KLF12: variants seen among roughly 807,000 people sequenced by gnomAD.
KLF12 encodes KLF transcription factor 12.
In KLF12, 9 loss-of-function variants were observed where a neutral mutation model predicts 37.8. The ratio of observed to expected loss-of-function variants is 0.24; its 90% confidence interval spans 0.14 to 0.42. KLF12 has a LOEUF of 0.42. Ranked by LOEUF, KLF12 falls within the 10% of genes least tolerant of loss-of-function variation. The pLI, the probability that KLF12 is intolerant of heterozygous loss-of-function variation, is 1.00. For missense variants in KLF12, 411 were observed against 516.0 expected, an observed-to-expected ratio of 0.80 and a Z score of 1.97; for synonymous variants, 208 against 202.1, an observed-to-expected ratio of 1.03 and a Z score of -0.25.
the KLF12 span, among the ~76,000 whole-genome samples, chr13:74,280,652 C>A: frequency 6.6e-6 from 1 of 152,128 alleles, no homozygotes; most frequent in Non-Finnish European, 1.5e-5. Context: ...AAAGTACCCT[C>A]GTGGTGTACC....
At chr13:73,891,481 C>T (rs1423567102) in intron 3 of KLF12, among the ~76,000 whole-genome samples, 3 of 152,074 alleles carry the variant, frequency 2.0e-5, no homozygotes, top group African/African-American at 7.2e-5. Context: ...TCAAACACCT[C>T]TGCCTTAAAA....
the KLF12 span, among the ~76,000 whole-genome samples, chr13:74,194,686 G>T: frequency 6.6e-6 from 1 of 152,204 alleles, no homozygotes; most frequent in Non-Finnish European, 1.5e-5. Flanking sequence ...TGTTTTAAGG[G>T]CCAAGAGGGG....
chr13:73,770,360 T>C (rs1880190027), intron 5 of KLF12, among the ~76,000 whole-genome samples: 1 of 152,186 alleles, frequency 6.6e-6, no homozygotes, highest in Non-Finnish European at 1.5e-5. Context: ...TATTTTATTC[T>C]CAGGTTTTCC....
chr13:73,734,603 C>T (rs1877312806), intron 6 of KLF12, among the ~76,000 whole-genome samples: 1 of 149,884 alleles, frequency 6.7e-6, no homozygotes, highest in Non-Finnish European at 1.5e-5. Context: ...TTTAAAATGT[C>T]TTTTCTTCCT....
At chr13:73,839,258 A>ATTT (rs768668350) in intron 4 of KLF12, among the ~76,000 whole-genome samples, 3 of 113,056 alleles carry the variant, frequency 2.7e-5, no homozygotes, top group Non-Finnish European at 3.8e-5. Flanking sequence ...ATACCTGGTT[A>ATTT]TTTTTTTTTT....
At chr13:73,712,130 G>A (rs560102399) in intron 7 of KLF12, among the ~76,000 whole-genome samples, 1 of 152,004 alleles carries the variant, frequency 6.6e-6, no homozygotes, top group Non-Finnish European at 1.5e-5. Context: ...CCTGAGGTCG[G>A]GAGTTCGAGA....
the KLF12 span, among the ~76,000 whole-genome samples, chr13:74,141,626 T>A: frequency 5.9e-5 from 9 of 152,326 alleles, no homozygotes; most frequent in South Asian, 4.1e-4. Flanking sequence ...CAATCTCATT[T>A]TATTTTCCTG....
intron 2 of KLF12, among the ~76,000 whole-genome samples, chr13:73,974,310 C>CGA (rs1891440086): frequency 6.8e-6 from 1 of 146,238 alleles, no homozygotes; most frequent in Non-Finnish European, 1.5e-5. Context: ...AACTTCAAGA[C>CGA]AAAAAAAAAA....
At chr13:74,182,372 G>T in the KLF12 span, among the ~76,000 whole-genome samples, 1 of 152,284 alleles carries the variant, frequency 6.6e-6, no homozygotes, top group African/African-American at 2.4e-5. Context: ...CTCTGTCTAT[G>T]GTTATCAGAG....
At chr13:74,249,287 G>A in the KLF12 span, among the ~76,000 whole-genome samples, 4 of 150,438 alleles carry the variant, frequency 2.7e-5, no homozygotes, top group African/African-American at 9.8e-5. Flanking sequence ...TTTAGTAAAT[G>A]TCAACTCTTG....
intron 5 of KLF12, among the ~76,000 whole-genome samples, chr13:73,783,274 G>A (rs1881089275): frequency 6.6e-6 from 1 of 152,130 alleles, no homozygotes; most frequent in African/African-American, 2.4e-5. Context: ...AGTTAAAAAG[G>A]TTGATCTCAT....
At chr13:74,099,213 A>C (rs1428061538) in intron 1 of KLF12, among the ~76,000 whole-genome samples, 1 of 152,066 alleles carries the variant, frequency 6.6e-6, no homozygotes, top group African/African-American at 2.4e-5. Flanking sequence ...TGGGCATGGT[A>C]GTGCACTCCT....
chr13:74,026,950 C>T (rs1400168249), intron 1 of KLF12, among the ~76,000 whole-genome samples: 1 of 152,110 alleles, frequency 6.6e-6, no homozygotes, highest in Non-Finnish European at 1.5e-5. Context: ...AGTCAGGGGC[C>T]TGCCTTTGGT....
chr13:74,117,669 G>C (rs1017287762), intron 1 of KLF12, among the ~76,000 whole-genome samples: 2 of 152,118 alleles, frequency 1.3e-5, no homozygotes, highest in Non-Finnish European at 2.9e-5. Context: ...GTGGTATCTT[G>C]TGGATATCAT....
Position 73,943,967 on chromosome 13 carries a change from A to G in KLF12, c.123+14T>C, listed in dbSNP as rs774009212. The G allele has an allele frequency of 4.1e-5, 65 of 1,569,412 alleles. No individual in the cohort carries two copies. Among genetic ancestry groups the G allele is most frequent in the Non-Finnish European group, 5.6e-5 (64 of 1,140,312 alleles). On this transcript the variant is annotated intron_variant, in intron 3 of 7. Coordinates refer to ENST00000377669, the MANE Select transcript of KLF12 (RefSeq NM_007249.5). ...ATCAAAAGGAGTGGGGCATTGCTGGAAACTTGTGCTTACCCCTTGTTCAGA... is the reference window on the plus strand; with the variant it reads ...ATCAAAAGGAGTGGGGCATTGCTGGGAACTTGTGCTTACCCCTTGTTCAGA...
chr13:74,275,878 CTTCTTTCTTTCTTTCT>C, the KLF12 span, among the ~76,000 whole-genome samples: 777 of 52,842 alleles, frequency 0.015, 19 homozygotes, highest in African/African-American at 0.038. Flanking sequence ...ATCTTTCTTT[CTTCTTTCTTTCTTTCT>C]TTCTTTCTTT....
At chr13:74,158,556 G>A in the KLF12 span, among the ~76,000 whole-genome samples, 1 of 152,084 alleles carries the variant, frequency 6.6e-6, no homozygotes, top group African/African-American at 2.4e-5. Flanking sequence ...AGAAAGAAAG[G>A]GATCAAAACA....
At chr13:74,076,662 G>C (rs1052832387) in intron 1 of KLF12, among the ~76,000 whole-genome samples, 4 of 151,974 alleles carry the variant, frequency 2.6e-5, no homozygotes, top group Non-Finnish European at 4.4e-5. Flanking sequence ...TTTTATCTTA[G>C]GTTTGAGGGT....
chr13:73,833,611 G>T (rs979047147), intron 4 of KLF12, among the ~76,000 whole-genome samples: 6 of 152,162 alleles, frequency 3.9e-5, no homozygotes, highest in Non-Finnish European at 8.8e-5. Context: ...GGTGGTATAT[G>T]AATTGCCTTA....
Sources: allele counts gnomAD v4.1 joint callset (sites outside exome capture counted in the v4.1 genomes callset), GRCh38; gene constraint gnomAD v4.1.1; transcripts MANE v1.5; gene names NCBI Gene and HGNC (gene_info 2026-07-23, HGNC 2026-07-21).